SPON1: variants seen among roughly 807,000 people sequenced by gnomAD.
The protein encoded by SPON1 is spondin-1.
SPON1 carries 52 observed loss-of-function variants against 111.7 expected under a neutral mutation model. The observed-to-expected ratio is 0.47, with a 90% CI of 0.37 to 0.59. SPON1 has a LOEUF of 0.59. SPON1 is among the 20% of genes least tolerant of loss of function. SPON1 has a pLI of 0.00. For synonymous variants in SPON1, 410 were observed against 395.8 expected, an observed-to-expected ratio of 1.04 and a Z score of -0.43; for missense variants, 957 against 1,068.5, an observed-to-expected ratio of 0.90 and a Z score of 1.46.
chr11:14,258,984 T>C (rs1404356243), intron 11 of SPON1, among the ~76,000 whole-genome samples: 1 of 152,264 alleles, frequency 6.6e-6, no homozygotes, highest in Admixed American at 6.5e-5. Flanking sequence ...GATTAAATTA[T>C]ATCTTATCTT....
intron 7 of SPON1, among the ~76,000 whole-genome samples, chr11:14,244,081 C>A (rs2133918821): frequency 6.6e-6 from 1 of 152,278 alleles, no homozygotes; most frequent in South Asian, 2.1e-4. Context: ...GCCTTCTGGG[C>A]AGCTCACAAA....
intron 1 of SPON1, among the ~76,000 whole-genome samples, chr11:13,966,727 A>G (rs1363213377): frequency 6.6e-6 from 1 of 152,156 alleles, no homozygotes; most frequent in Non-Finnish European, 1.5e-5. Context: ...GCCTGGTGGA[A>G]AGCGCACAGG....
At chr11:14,016,659 A>G (rs977736052) in intron 2 of SPON1, among the ~76,000 whole-genome samples, 2 of 152,238 alleles carry the variant, frequency 1.3e-5, no homozygotes, top group African/African-American at 4.8e-5. Context: ...AAAAGAATTT[A>G]GGATAGCTCA....
At chr11:14,159,132 C>T (rs934978804) in intron 6 of SPON1, among the ~76,000 whole-genome samples, 15 of 152,002 alleles carry the variant, frequency 9.9e-5, no homozygotes, top group Non-Finnish European at 2.1e-4. Context: ...TAATTAATTA[C>T]TTATAGTAAT....
At chr11:14,107,221 T>C (rs72858657) in intron 5 of SPON1, among the ~76,000 whole-genome samples, 4,217 of 152,170 alleles carry the variant, frequency 0.028, 73 homozygotes, top group Non-Finnish European at 0.045. Context: ...CAGATGTGAG[T>C]GGCTTTCAGT....
At chr11:13,965,456 C>T (rs1316326819) in intron 1 of SPON1, among the ~76,000 whole-genome samples, 1 of 152,088 alleles carries the variant, frequency 6.6e-6, no homozygotes, top group African/African-American at 2.4e-5. Flanking sequence ...CTGGTATTCA[C>T]GGGGCCAAAG....
chr11:14,067,063 G>T (rs138531206), intron 3 of SPON1, among the ~76,000 whole-genome samples: 17 of 152,270 alleles, frequency 1.1e-4, no homozygotes, highest in African/African-American at 3.9e-4. Context: ...AGTTGTCCCA[G>T]CTACTCAGGA....
chr11:13,990,244 ATATATT>A (rs1308726911), intron 2 of SPON1, among the ~76,000 whole-genome samples: 6 of 152,088 alleles, frequency 3.9e-5, no homozygotes, highest in Admixed American at 2.6e-4. Context: ...TTGGGTGCAC[ATATATT>A]TAGGATAGTT....
rs1934559576 is a variant in SPON1, at chr11:14,135,292, A to G, written c.677-128A>G. On this transcript the variant is annotated intron_variant, in intron 5 of 15. Transcript: ENST00000576479. The surrounding 1 kb of genome is among the most constrained non-coding windows in gnomAD (Gnocchi z 4.4). ...CTTATCACTGAATGGCACAGGGCCT[A>G]AGACAGAATAGGTGCTTAGTCAGTG... is the stretch of plus-strand genomic sequence containing the variant. The G allele has an allele frequency of 9.3e-7, 1 of 1,073,630 alleles. No homozygotes were observed. The highest frequency in any genetic ancestry group is 1.6e-5 in the African/African-American group (1 of 63,552). The allele number at this position is 1,073,630 out of a possible 1,614,324, so 66.5% of individuals were successfully genotyped here.
At chr11:14,057,688 TG>T (rs1249516116) in intron 3 of SPON1, among the ~76,000 whole-genome samples, 22 of 152,026 alleles carry the variant, frequency 1.4e-4, no homozygotes, top group African/African-American at 5.3e-4. Flanking sequence ...AAGGTTGAAA[TG>T]GTTTCAAATT....
At chr11:14,231,222 C>T (rs1261220991) in intron 6 of SPON1, among the ~76,000 whole-genome samples, 2 of 151,988 alleles carry the variant, frequency 1.3e-5, no homozygotes, top group Admixed American at 6.5e-5. Context: ...CAACCTTCAC[C>T]TCCCAGGTTC....
intron 5 of SPON1, among the ~76,000 whole-genome samples, chr11:14,116,227 G>C (rs1304340093): frequency 6.6e-6 from 1 of 152,006 alleles, no homozygotes; most frequent in Non-Finnish European, 1.5e-5. Context: ...GGTAAATAGA[G>C]GATTTAATTT....
intron 2 of SPON1, among the ~76,000 whole-genome samples, chr11:13,994,113 C>T (rs11023045): frequency 0.082 from 12,416 of 152,184 alleles, 625 homozygotes; most frequent in South Asian, 0.18. Flanking sequence ...TTCTGAGCCA[C>T]GTTAGAACCT....
At chr11:14,232,970 T>A (rs1258697418) in intron 6 of SPON1, among the ~76,000 whole-genome samples, 1 of 152,046 alleles carries the variant, frequency 6.6e-6, no homozygotes, top group Non-Finnish European at 1.5e-5. Flanking sequence ...GAAGAGGCCC[T>A]GGGCAGGTCC....
chr11:14,265,475 T>C (rs1267640012), intron 15 of SPON1, 49 bp from the exon 16 acceptor site: 6 of 1,575,184 alleles, frequency 3.8e-6, no homozygotes, highest in Middle Eastern at 1.9e-4. Flanking sequence ...TCAGCATCCC[T>C]GTTCCGTCCC....
intron 14 of SPON1, among the ~76,000 whole-genome samples, chr11:14,261,667 A>G (rs1352996534): frequency 6.6e-6 from 1 of 152,124 alleles, no homozygotes; most frequent in Admixed American, 6.5e-5. Context: ...CCACTAGAGA[A>G]AGCCTGGGGT....
At chr11:14,032,470 C>A (rs1192989566) in intron 2 of SPON1, among the ~76,000 whole-genome samples, 4 of 152,152 alleles carry the variant, frequency 2.6e-5, no homozygotes, top group Non-Finnish European at 4.4e-5. Flanking sequence ...GGGCCACGAC[C>A]AGTTAGGAGA....
intron 6 of SPON1, among the ~76,000 whole-genome samples, chr11:14,181,993 G>T (rs563228248): frequency 6.6e-6 from 1 of 152,268 alleles, no homozygotes; most frequent in East Asian, 1.9e-4. Context: ...AATTGTCAAG[G>T]GGTACCTGGG....
rs1224372776 is a variant in SPON1 at position 13,965,546 on chromosome 11, C to T, written c.238+2404C>T. On this transcript the variant is annotated intron_variant, in intron 1 of 15. Coordinates refer to ENST00000576479, the MANE Select transcript of SPON1 (RefSeq NM_006108.4). ...ATAGGGAGTGTCCTGGACTTTCACC[C>T]TACAGGCTACTCCTGCCTAAACAGC... Among the ~76,000 whole-genome samples, 3 of 152,328 alleles carry T rather than the reference C, an allele frequency of 2.0e-5. No individual in the cohort carries two copies. In the East Asian group the frequency reaches 5.8e-4, roughly 29 times the overall value.
Sources: allele counts gnomAD v4.1 joint callset (sites outside exome capture counted in the v4.1 genomes callset), GRCh38; gene constraint gnomAD v4.1.1; non-coding constraint Gnocchi (gnomAD v3.1); transcripts MANE v1.5; gene names NCBI Gene and HGNC (gene_info 2026-07-23, HGNC 2026-07-21).